Variants in ABCA5 observed in about 807,000 individuals in gnomAD.
ABCA5 encodes the protein ATP binding cassette subfamily A member 5.
ABCA5 carries 163 observed loss-of-function variants against 206.0 expected under a neutral mutation model. That is an observed-to-expected ratio of 0.79 (90% CI 0.70 to 0.90). The LOEUF is 0.90. Among genes scored for constraint, ABCA5 ranks in the 40% least tolerant of loss-of-function variants. The pLI is 0.00. For synonymous variants in ABCA5, 609 were observed against 613.8 expected (o/e 0.99, Z 0.11); for missense variants, 1,859 against 1,912.9 (o/e 0.97, Z 0.53).
Position 69,291,258 on chromosome 17 carries a change from T to C in ABCA5, c.1564A>G (p.Thr522Ala). 2 of 1,610,538 alleles carry C rather than the reference T, an allele frequency of 1.2e-6. No individual in the cohort carries two copies. The highest frequency in any genetic ancestry group is 1.1e-5 in the South Asian group (1 of 90,546). ...AGTCCACAAAGAATATTCATCAATG[T>C]ACTCTTTCCTGTTCCACTGTGGCCA... is the stretch of plus-strand genomic sequence containing the variant. ...LLGHSGTGKS[T>A]LMNILCGLCP... is the part of the protein sequence containing the mutation. The change falls in exon 12 of 39, where the codon ACA becomes GCA. Residue 522 changes from threonine to alanine, a missense_variant. Thr to Ala is a moderately conservative substitution (Grantham distance 58). Coordinates refer to ENST00000392676, the MANE Select transcript of ABCA5 (RefSeq NM_172232.4).
chr17:69,291,146 A>G, intron 12 of ABCA5, 70 bp downstream of exon 12: 1 of 1,030,046 alleles, frequency 9.7e-7, no homozygotes, highest in South Asian at 2.5e-5. Context: ...CCCATTGACA[A>G]AAATTATTCA....
intron 20 of ABCA5, among the ~76,000 whole-genome samples, chr17:69,272,865 TGC>T (rs1230244049): frequency 3.9e-5 from 6 of 152,218 alleles, no homozygotes; most frequent in African/African-American, 1.2e-4. Context: ...TTCCTAGCCA[TGC>T]TTATTATTTT....
intron 38 of ABCA5, among the ~76,000 whole-genome samples, chr17:69,248,021 C>A (rs1312279226): frequency 6.6e-6 from 1 of 151,956 alleles, no homozygotes; most frequent in Non-Finnish European, 1.5e-5. Flanking sequence ...ATCAAAACAT[C>A]ACTGTACCCA....
At position 69,246,525 on chromosome 17, in the gene ABCA5, G is replaced by T. The variant is rs759501096; in HGVS notation, c.*1012C>A. 2 of 151,882 alleles carry T rather than the reference G, an allele frequency of 1.3e-5. No individual in the cohort carries two copies. The highest frequency in any genetic ancestry group is 2.4e-5 in the African/African-American group (1 of 41,412). 9.4% of individuals were successfully genotyped at this position (151,882 alleles called of 1,614,324 possible). ...ACTTACAATTCTTAATTTAACCCTT[G>T]AAAGAGTTTATTCATATCCTACCAT... On this transcript the variant is annotated 3_prime_UTR_variant, in exon 39 of 39. Coordinates refer to ENST00000392676, the MANE Select transcript of ABCA5 (RefSeq NM_172232.4).
At chr17:69,308,248 A>C in intron 5 of ABCA5, 32 bp downstream of exon 5, 6 of 1,354,038 alleles carry the variant, frequency 4.4e-6, no homozygotes, top group Non-Finnish European at 6.3e-6. Flanking sequence ...AAAATGGCAT[A>C]GTTTTTGTAT....
chr17:69,270,717 T>C lies in ABCA5; in HGVS notation c.2926A>G (p.Met976Val), dbSNP rs201469593. The part of the protein sequence containing the change: ...YVFAAVFNST[M>V]VYSLPILVNI... ...ACTAATATAGGTAAAGAATAAACCA[T>C]AGTACTGTTGAAAACAGCTGCAAAA... The change falls in exon 22 of 39, where the codon ATG (methionine) becomes GTG (valine). Residue 976 changes from methionine to valine, a missense_variant. Physicochemically the swap from Met to Val is conservative, Grantham distance 21. Transcript: ENST00000392676. 37 of 1,577,004 alleles carry C rather than the reference T, an allele frequency of 2.3e-5. No individual in the cohort carries two copies. Among genetic ancestry groups the C allele is most frequent in the Non-Finnish European group, 2.6e-5 (30 of 1,166,648 alleles).
intron 9 of ABCA5, among the ~76,000 whole-genome samples, chr17:69,298,350 A>AGAAGGAAGGAAG: frequency 9.6e-6 from 1 of 103,984 alleles, no homozygotes; most frequent in East Asian, 3.1e-4. Context: ...AAGGAAGGAA[A>AGAAGGAAGGAAG]GAAGGAAAGA....
intron 37 of ABCA5, 103 bp from the exon 38 acceptor site, chr17:69,248,420 C>A (rs1385536401): frequency 9.2e-6 from 6 of 655,122 alleles, no homozygotes; most frequent in Non-Finnish European, 1.6e-5. Context: ...TGTAATCAAC[C>A]CACTTAAATT....
At chr17:69,274,307 C>A (rs1402090307) in intron 19 of ABCA5, among the ~76,000 whole-genome samples, 179 bp from the exon 20 acceptor site, 1 of 152,046 alleles carries the variant, frequency 6.6e-6, no homozygotes, top group Non-Finnish European at 1.5e-5. Flanking sequence ...TAACCTCCAC[C>A]TCCCAGGCTC....
Position 69,247,398 on chromosome 17 carries a change from T to C in ABCA5, c.*139A>G, listed in dbSNP as rs546479722. On this transcript the variant is annotated 3_prime_UTR_variant, in exon 39 of 39. Coordinates refer to ENST00000392676, the MANE Select transcript of ABCA5 (RefSeq NM_172232.4). ...AAAAGCAAAACACACAACCACAGCATTTCAATTAAGGAGCTTAGAAAAATT... is the reference window on the plus strand; with the variant it reads ...AAAAGCAAAACACACAACCACAGCACTTCAATTAAGGAGCTTAGAAAAATT... 129 of 588,172 alleles carry C rather than the reference T, an allele frequency of 2.2e-4. No individual in the cohort carries two copies. Among genetic ancestry groups the C allele is most frequent in the Non-Finnish European group, 3.4e-4 (114 of 335,712 alleles). 36.4% of individuals were successfully genotyped at this position (588,172 alleles called of 1,614,324 possible).
At chr17:69,301,047 G>A in intron 9 of ABCA5, 92 bp downstream of exon 9, 8 of 1,200,004 alleles carry the variant, frequency 6.7e-6, no homozygotes, top group Non-Finnish European at 7.9e-6. Flanking sequence ...GGGTACCCTG[G>A]TTAGGAAAAA....
intron 20 of ABCA5, among the ~76,000 whole-genome samples, chr17:69,271,657 T>C (rs2075275455): frequency 6.6e-6 from 1 of 151,876 alleles, no homozygotes; most frequent in Non-Finnish European, 1.5e-5. Flanking sequence ...CTGCTGCTGC[T>C]GCCACCACTG....
At chr17:69,276,883 C>T (rs148966338) in intron 19 of ABCA5, among the ~76,000 whole-genome samples, 75 of 152,190 alleles carry the variant, frequency 4.9e-4, no homozygotes, top group African/African-American at 1.6e-3. Context: ...AAATCAGATA[C>T]GTGATTGACA....
intron 1 of ABCA5, among the ~76,000 whole-genome samples, chr17:69,317,464 C>A (rs1162955880): frequency 3.0e-5 from 4 of 132,368 alleles, no homozygotes; most frequent in South Asian, 5.0e-4. Flanking sequence ...AATGAACATA[C>A]AAAACGTTAT....
rs778281763 is a variant in ABCA5, at chr17:69,294,763, T to C, written c.1437-50A>G. The C allele has an allele frequency of 4.8e-6, 6 of 1,259,978 alleles. No individual in the cohort carries two copies. The Admixed American group carries it at 7.7e-5, about 16-fold the overall frequency. 78.0% of individuals were successfully genotyped at this position (1,259,978 alleles called of 1,614,324 possible). The stretch of plus-strand genomic sequence containing the variant: ...AAGTATTTAAAGCAATTTATAAGTA[T>C]GTGTGTTTATTTACCATGCATATTT... On this transcript the variant is annotated intron_variant, in intron 10 of 38. Transcript: ENST00000392676.
In ABCA5 at chr17:69,326,030, C is replaced by T. The variant is rs1199896043; in HGVS notation, c.-16+1022G>A. On this transcript the variant is annotated intron_variant, in intron 1 of 38. Transcript: ENST00000392676. The surrounding 1 kb of genome is among the most constrained non-coding windows in gnomAD (Gnocchi z 4.8). ...AATGTTCCCTACTATGGAGTCTTCC[C>T]TAAAACACATACAATATTGCTCTCC... 6.6e-6 allele frequency among the ~76,000 whole-genome samples: 1 copy of T among 152,164 alleles called. No homozygotes were observed. The highest frequency in any genetic ancestry group is 6.6e-5 in the Admixed American group (1 of 15,262).
chr17:69,251,529 T>A, intron 35 of ABCA5: 1 of 552,936 alleles, frequency 1.8e-6, no homozygotes, highest in Non-Finnish European at 2.9e-6. Context: ...AAAATAATAT[T>A]CCAAGTTATT....
rs1054968940 is a variant in ABCA5 at position 69,252,934 on chromosome 17, G to A, written c.4415+639C>T. Among the ~76,000 whole-genome samples the A allele has an allele frequency of 9.9e-5, 15 of 151,656 alleles. No individual in the cohort carries two copies. In the East Asian group the frequency reaches 2.9e-3, roughly 29 times the overall value. On this transcript the variant is annotated intron_variant, in intron 34 of 38. Coordinates refer to ENST00000392676, the MANE Select transcript of ABCA5 (RefSeq NM_172232.4). ...AATGATGAAACACATTTCCAACAGT[G>A]ATTCCATAAGATTATAATACTTTTA...
intron 1 of ABCA5, chr17:69,325,708 G>A (rs1598216100): frequency 6.6e-6 from 1 of 152,332 alleles, no homozygotes; most frequent in East Asian, 1.9e-4. Flanking sequence ...CCTGGGCGCA[G>A]TGACACACGC....
Sources: gnomAD v4.1 joint callset for allele counts (sites outside exome capture counted in the v4.1 genomes callset) on GRCh38, gnomAD v4.1.1 for gene constraint, Gnocchi (gnomAD v3.1) non-coding constraint, MANE v1.5 for transcripts, NCBI Gene and HGNC (gene_info 2026-07-23, HGNC 2026-07-21) for gene names.